Variants in PNLIPRP3 observed in about 807,000 individuals in gnomAD.
The protein encoded by PNLIPRP3 is pancreatic lipase-related protein 3.
In PNLIPRP3, 58 loss-of-function variants were observed where a neutral mutation model predicts 52.8. The ratio of observed to expected loss-of-function variants is 1.10; its 90% CI spans 0.89 to 1.37. The LOEUF is 1.37. Ranked by LOEUF, PNLIPRP3 falls within the 40% of genes most tolerant of loss-of-function variation. PNLIPRP3 has a pLI of 0.00. For synonymous variants in PNLIPRP3, 192 were observed against 185.0 expected, an observed-to-expected ratio of 1.04 and a Z score of -0.31; for missense variants, 593 against 561.6, an observed-to-expected ratio of 1.06 and a Z score of -0.57.
At chr10:116,475,314 A>C (rs1846445983) in intron 10 of PNLIPRP3, among the ~76,000 whole-genome samples, 1 of 152,214 alleles carries the variant, frequency 6.6e-6, no homozygotes, top group Non-Finnish European at 1.5e-5. Context: ...GGAGAGGATC[A>C]GGAAAAATAA....
intron 1 of PNLIPRP3, 99 bp downstream of exon 1, chr10:116,428,160 C>T (rs995036556): frequency 4.8e-6 from 4 of 841,624 alleles, no homozygotes; most frequent in African/African-American, 1.8e-5. Flanking sequence ...ATTACTATTG[C>T]TAATTTCATT....
chr10:116,462,814 T>C (rs1201438483), intron 7 of PNLIPRP3, among the ~76,000 whole-genome samples: 2 of 152,226 alleles, frequency 1.3e-5, no homozygotes, highest in African/African-American at 4.8e-5. Context: ...TTATGAAAGA[T>C]TAATTCAACT....
intron 2 of PNLIPRP3, among the ~76,000 whole-genome samples, chr10:116,441,395 A>AT (rs1057203036): frequency 3.3e-5 from 5 of 152,090 alleles, no homozygotes; most frequent in African/African-American, 1.2e-4. Flanking sequence ...AGAATAAACA[A>AT]TTTTTTTCGG....
At chr10:116,458,250 C>T (rs944552995) in intron 5 of PNLIPRP3, among the ~76,000 whole-genome samples, 4 of 152,096 alleles carry the variant, frequency 2.6e-5, no homozygotes, top group South Asian at 2.1e-4. Flanking sequence ...CACACACGTA[C>T]CAAAATACAC....
intron 9 of PNLIPRP3, among the ~76,000 whole-genome samples, chr10:116,470,087 C>A (rs1846343253): frequency 6.6e-6 from 1 of 152,024 alleles, no homozygotes; most frequent in South Asian, 2.1e-4. Flanking sequence ...AAGGACAATT[C>A]TGGCTGTGGA....
intron 3 of PNLIPRP3, among the ~76,000 whole-genome samples, chr10:116,443,615 GT>G (rs1253396339): frequency 2.1e-3 from 36 of 16,860 alleles, no homozygotes; most frequent in Middle Eastern, 0.083. Context: ...ATATATATGT[GT>G]TTTATATATA....
intron 10 of PNLIPRP3, among the ~76,000 whole-genome samples, chr10:116,473,512 T>G (rs539258268): frequency 6.6e-6 from 1 of 152,268 alleles, no homozygotes; most frequent in South Asian, 2.1e-4. Context: ...TTGCTAAATT[T>G]CTTTTTCTTT....
intron 5 of PNLIPRP3, among the ~76,000 whole-genome samples, chr10:116,456,275 C>A (rs1846112194): frequency 6.6e-6 from 1 of 152,128 alleles, no homozygotes; most frequent in Non-Finnish European, 1.5e-5. Flanking sequence ...GTACATGATA[C>A]AGAAATTACA....
chr10:116,445,569 A>AAAT (rs1564696454), intron 4 of PNLIPRP3, among the ~76,000 whole-genome samples: 1 of 150,930 alleles, frequency 6.6e-6, no homozygotes, highest in African/African-American at 2.4e-5. Flanking sequence ...AAAAAAAAAA[A>AAAT]GCCAGCTGTA....
intron 5 of PNLIPRP3, among the ~76,000 whole-genome samples, chr10:116,459,956 C>T (rs946769751): frequency 1.5e-4 from 23 of 152,192 alleles, no homozygotes; most frequent in African/African-American, 4.1e-4. Flanking sequence ...TTAGTAGAGA[C>T]GGGGTTTCAC....
rs147715880 is a variant in PNLIPRP3 at position 116,440,815 on chromosome 10, C to T, written c.205-2240C>T. Among the ~76,000 whole-genome samples the T allele has an allele frequency of 3.9e-3, 589 of 152,234 alleles. 3 individuals carry two copies. Among genetic ancestry groups the T allele is most frequent in the African/African-American group, 0.013 (553 of 41,542 alleles). On this transcript the variant is annotated intron_variant, in intron 2 of 11. Transcript: ENST00000369230. ...TGGTGATGGACATGTTGCACACTTC[C>T]GGTAGTTTCTGTGTCTGCAGCTTTA...
intron 2 of PNLIPRP3, 44 bp downstream of exon 2, chr10:116,436,909 T>A (rs1845782787): frequency 6.6e-7 from 1 of 1,513,566 alleles, no homozygotes; most frequent in African/African-American, 1.4e-5. Context: ...TTCTAAAATA[T>A]AAGATTTGCC....
chr10:116,469,634 G>A (rs1206314413), intron 9 of PNLIPRP3, among the ~76,000 whole-genome samples: 1 of 152,208 alleles, frequency 6.6e-6, no homozygotes, highest in African/African-American at 2.4e-5. Flanking sequence ...AGGGAGAAGG[G>A]AAGTATTCCA....
chr10:116,469,160 A>T (rs2133154587), intron 8 of PNLIPRP3, 25 bp from the exon 9 acceptor site: 1 of 1,603,276 alleles, frequency 6.2e-7, no homozygotes. Flanking sequence ...TACATAAGTA[A>T]TCACCTTTCA....
intron 1 of PNLIPRP3, among the ~76,000 whole-genome samples, chr10:116,430,844 A>G (rs553736806): frequency 6.6e-6 from 1 of 152,230 alleles, no homozygotes; most frequent in East Asian, 1.9e-4. Context: ...GGTACCTACC[A>G]TTTATGCTAA....
chr10:116,444,576 T>C, intron 4 of PNLIPRP3, 63 bp downstream of exon 4: 1 of 1,481,796 alleles, frequency 6.7e-7, no homozygotes, highest in Non-Finnish European at 9.3e-7. Flanking sequence ...CACTCAGAAG[T>C]TGGGACAATT....
intron 4 of PNLIPRP3, among the ~76,000 whole-genome samples, chr10:116,446,500 A>G (rs1189076411): frequency 6.6e-6 from 1 of 152,256 alleles, no homozygotes; most frequent in Non-Finnish European, 1.5e-5. Flanking sequence ...TAACTGGTGG[A>G]AAAAAATGGA....
Position 116,458,578 on chromosome 10 carries a change from A to G in PNLIPRP3, c.566-2388A>G, listed in dbSNP as rs142097316. ...AAAGTTGTGTGTAATCACACTAGTA[A>G]AATAAAAATTCTTCCAAGAGTTGAA... On this transcript the variant is annotated intron_variant, in intron 5 of 11. Coordinates refer to ENST00000369230, the MANE Select transcript of PNLIPRP3 (RefSeq NM_001011709.3). Among the ~76,000 whole-genome samples the G allele has an allele frequency of 9.3e-4, 141 of 152,252 alleles. 1 individual carries two copies. Among genetic ancestry groups the G allele is most frequent in the African/African-American group, 3.2e-3 (132 of 41,548 alleles).
rs552054431 is a variant in PNLIPRP3 at position 116,436,600 on chromosome 10, C to T, written c.50-111C>T. ...GAGAAAATATTTTCAAGCCATAAATCCAATAAGGGGTTAATTTCCAAAATT... is the reference window on the plus strand; with the variant it reads ...GAGAAAATATTTTCAAGCCATAAATTCAATAAGGGGTTAATTTCCAAAATT... On this transcript the variant is annotated intron_variant, in intron 1 of 11. Transcript: ENST00000369230. 26 of 1,113,152 alleles carry T rather than the reference C, an allele frequency of 2.3e-5. No individual in the cohort carries two copies. In the Admixed American group the frequency reaches 5.2e-4, roughly 22 times the overall value. 69.0% of individuals were successfully genotyped at this position (1,113,152 alleles called of 1,614,324 possible). A position where few individuals can be genotyped will look rare whatever the true frequency, so the allele number is the denominator to read the frequency against.
Sources: gnomAD v4.1 joint callset for allele counts (sites outside exome capture counted in the v4.1 genomes callset) on GRCh38, gnomAD v4.1.1 for gene constraint, MANE v1.5 for transcripts, NCBI Gene and HGNC (gene_info 2026-07-23, HGNC 2026-07-21) for gene names.